SFI1: variants seen among roughly 807,000 people sequenced by gnomAD.
The protein encoded by SFI1 is protein SFI1 homolog.
Under a neutral mutation model 207.5 loss-of-function variants are expected in SFI1, and 195 were observed. The ratio of observed to expected loss-of-function variants is 0.94; its 90% CI spans 0.84 to 1.06. SFI1 has a LOEUF of 1.06. Among genes scored for constraint, SFI1 ranks in the 50% least tolerant of loss-of-function variants. SFI1 has a pLI of 0.00. For synonymous variants in SFI1, 630 were observed against 598.9 expected, an observed-to-expected ratio of 1.05 and a Z score of -0.76; for missense variants, 1,634 against 1,588.0, an observed-to-expected ratio of 1.03 and a Z score of -0.49.
intron 8 of SFI1, among the ~76,000 whole-genome samples, chr22:31,567,138 C>A (rs1253278317): frequency 6.6e-6 from 1 of 152,170 alleles, no homozygotes; most frequent in Non-Finnish European, 1.5e-5. Flanking sequence ...ATCTCCTGAC[C>A]TCATGATCCG....
At chr22:31,559,513 C>T (rs1162445436) in intron 7 of SFI1, 2 of 537,844 alleles carry the variant, frequency 3.7e-6, no homozygotes, top group South Asian at 1.7e-5. Flanking sequence ...AAAGTTCCAG[C>T]GTATTTTGCG....
chr22:31,602,105 G>A (rs1462640811), intron 15 of SFI1, 107 bp from the exon 16 acceptor site: 13 of 943,436 alleles, frequency 1.4e-5, no homozygotes, highest in Non-Finnish European at 2.0e-5. Flanking sequence ...CCTCTTATAC[G>A]ATAGCATGGT....
intron 2 of SFI1, among the ~76,000 whole-genome samples, chr22:31,527,773 G>C (rs1164954737): frequency 6.6e-6 from 1 of 151,878 alleles, no homozygotes; most frequent in Non-Finnish European, 1.5e-5. Flanking sequence ...CCAGGAATTT[G>C]AGACTAGCCT....
intron 7 of SFI1, among the ~76,000 whole-genome samples, chr22:31,560,995 A>G (rs62237765): frequency 0.058 from 8,859 of 152,172 alleles, 244 homozygotes; most frequent in Non-Finnish European, 0.066. Context: ...AAGCCACCGT[A>G]CCAGGCCATA....
intron 2 of SFI1, among the ~76,000 whole-genome samples, chr22:31,509,726 A>T (rs1295757107): frequency 6.6e-6 from 1 of 152,148 alleles, no homozygotes; most frequent in African/African-American, 2.4e-5. Flanking sequence ...AGTGGTTTTT[A>T]TACGTTGTTG....
Position 31,604,328 on chromosome 22 carries a change from C to T in SFI1, c.1901C>T (p.Ala634Val), listed in dbSNP as rs984128885. ...QWRECLALRGAERQKLMRADL... is the reference protein window; with the variant it reads ...QWRECLALRGVERQKLMRADL... ...CTGCAGTGCCTGGCCCTGCGGGGAGCGGAGCGGCAGAAGCTGATGCGAGCA... is the reference window on the plus strand; with the variant it reads ...CTGCAGTGCCTGGCCCTGCGGGGAGTGGAGCGGCAGAAGCTGATGCGAGCA... Residue 634 changes from alanine (A) to valine (V), a missense_variant, in exon 19 of 33, where the codon GCG (alanine) becomes GTG (valine). Physicochemically the swap from Ala to Val is moderately conservative, Grantham distance 64. Transcript: ENST00000400288. 18 of 1,578,542 alleles carry T rather than the reference C, an allele frequency of 1.1e-5. No homozygotes were observed. The highest frequency in any genetic ancestry group is 1.7e-4 in the Middle Eastern group (1 of 5,902).
intron 15 of SFI1, among the ~76,000 whole-genome samples, chr22:31,597,774 T>C (rs2067362745): frequency 6.6e-6 from 1 of 152,334 alleles, no homozygotes; most frequent in Non-Finnish European, 1.5e-5. Flanking sequence ...ATCTTTGATA[T>C]TCTTAGGGTA....
Position 31,618,294 on chromosome 22 carries a change from C to G in SFI1, c.3625-20C>G, listed in dbSNP as rs1424965926. ...GGGCTGTGCTCCCTCTCAGCCCTGC[C>G]TGTCCCTCCATGGCCCCAGGTGGAA... is the stretch of plus-strand genomic sequence containing the variant. On this transcript the variant is annotated intron_variant, in intron 32 of 32. Transcript: ENST00000400288. 1 of 1,606,688 alleles carries G rather than the reference C, an allele frequency of 6.2e-7. No homozygotes were observed.
chr22:31,579,087 G>A (rs1017876798), intron 11 of SFI1, among the ~76,000 whole-genome samples: 3 of 152,142 alleles, frequency 2.0e-5, no homozygotes, highest in Non-Finnish European at 1.5e-5. Context: ...AGCCTCCTGA[G>A]TAGCTGGGAC....
rs560206322 is a variant in SFI1, at chr22:31,575,213, G to C, written c.923-18G>C. 1.9e-4 allele frequency: 295 copies of C among 1,593,906 alleles called. 3 individuals carry two copies. The South Asian group carries it at 3.1e-3, about 17-fold the overall frequency. ...CTAACCTTAGGGGAGTAGCACTTAAGTTATTTCTCTGTTGCAGAGATGGCT... is the reference window on the plus strand; with the variant it reads ...CTAACCTTAGGGGAGTAGCACTTAACTTATTTCTCTGTTGCAGAGATGGCT... On this transcript the variant is annotated intron_variant, in intron 9 of 32. Transcript: ENST00000400288.
intron 2 of SFI1, among the ~76,000 whole-genome samples, chr22:31,509,959 T>C (rs144964720): frequency 1.6e-3 from 251 of 152,136 alleles, no homozygotes; most frequent in African/African-American, 5.8e-3. Context: ...CTCGCTCTGT[T>C]GCCCAGGCTG....
chr22:31,588,302 C>G (rs1025355529), intron 14 of SFI1, among the ~76,000 whole-genome samples: 1 of 152,148 alleles, frequency 6.6e-6, no homozygotes, highest in African/African-American at 2.4e-5. Context: ...GCATGGTGGC[C>G]TTGGGGTAGT....
intron 15 of SFI1, among the ~76,000 whole-genome samples, chr22:31,593,864 A>G (rs2066578260): frequency 6.7e-6 from 1 of 148,508 alleles, no homozygotes; most frequent in Non-Finnish European, 1.5e-5. Flanking sequence ...GCGTGCCTGC[A>G]ATCGCAGGCA....
At position 31,573,114 on chromosome 22, in the gene SFI1, T is replaced by A; in HGVS notation, c.822T>A (p.Val274=). 6.2e-7 allele frequency: 1 copy of A among 1,614,030 alleles called. No homozygotes were observed. Among genetic ancestry groups the A allele is most frequent in the Non-Finnish European group, 8.5e-7 (1 of 1,180,008 alleles). ...ATGTCCAGAAGGAGAAACAAAAGGT[T>A]GTCTCTGCAGTGAAACATCATCAGC... ...LLYVQKEKQK[V]VSAVKHHQHW... The change falls in exon 9 of 33, where the codon GTT becomes GTA. Residue 274 remains valine, a synonymous_variant. Coordinates refer to ENST00000400288, the MANE Select transcript of SFI1 (RefSeq NM_001007467.3).
intron 9 of SFI1, among the ~76,000 whole-genome samples, chr22:31,574,310 GAAGGCATT>G (rs1165115250): frequency 1.3e-5 from 2 of 152,196 alleles, no homozygotes; most frequent in African/African-American, 4.8e-5. Context: ...CCTGGAATGT[GAAGGCATT>G]AAGCTGTTTA....
At chr22:31,548,536 G>C (rs902028381) in intron 5 of SFI1, among the ~76,000 whole-genome samples, 1 of 151,884 alleles carries the variant, frequency 6.6e-6, no homozygotes, top group Non-Finnish European at 1.5e-5. Flanking sequence ...CCAGCTACTC[G>C]GAAGGTTGAG....
At chr22:31,591,148 G>A (rs1287309589) in intron 15 of SFI1, among the ~76,000 whole-genome samples, 1 of 152,106 alleles carries the variant, frequency 6.6e-6, no homozygotes, top group South Asian at 2.1e-4. Context: ...GGTTACTTGA[G>A]ATTAGGGAGT....
intron 3 of SFI1, among the ~76,000 whole-genome samples, chr22:31,530,203 A>AAAAAAAAAAAT (rs1569227870): frequency 4.7e-5 from 6 of 127,740 alleles, no homozygotes; most frequent in East Asian, 2.5e-4. Flanking sequence ...AAAAAAAAAA[A>AAAAAAAAAAAT]GACAAGGCCG....
At position 31,598,716 on chromosome 22, in the gene SFI1, C is replaced by CTTTTTTTTTTTTTTTTTTT. The variant is rs71184513; in HGVS notation, c.1545-3491_1545-3473dup. ...ACAGGCATAAGCCACTGCGCCTGGCCTTTTTTTTTTTTTTTTTTTTTTTGA... is the reference window on the plus strand; with the variant it reads ...ACAGGCATAAGCCACTGCGCCTGGCCTTTTTTTTTTTTTTTTTTTTTTTTTTTTTTTTTTTTTTTTTTGA... On this transcript the variant is annotated intron_variant, in intron 15 of 32. Coordinates refer to ENST00000400288, the MANE Select transcript of SFI1 (RefSeq NM_001007467.3). Among the ~76,000 whole-genome samples, 8 of 26,886 alleles carry CTTTTTTTTTTTTTTTTTTT rather than the reference C, an allele frequency of 3.0e-4. 2 individuals carry two copies. Among genetic ancestry groups the CTTTTTTTTTTTTTTTTTTT allele is most frequent in the African/African-American group, 3.5e-4 (3 of 8,644 alleles). 17.6% of individuals were successfully genotyped at this position (26,886 alleles called of 152,430 possible).
Sources: gnomAD v4.1 joint callset for allele counts (sites outside exome capture counted in the v4.1 genomes callset) on GRCh38, gnomAD v4.1.1 for gene constraint, MANE v1.5 for transcripts, NCBI Gene and HGNC (gene_info 2026-07-23, HGNC 2026-07-21) for gene names.